Variants in CDK5R1 observed in about 807,000 individuals in gnomAD.
CDK5R1 encodes the protein cyclin-dependent kinase 5 activator 1.
Under a neutral mutation model 19.0 loss-of-function variants are expected in CDK5R1, and 1 was observed. That is an observed-to-expected ratio of 0.05 (90% CI 0.02 to 0.25). The LOEUF is 0.25. Among genes scored for constraint, CDK5R1 ranks in the 10% least tolerant of loss-of-function variants. The pLI is 1.00. For missense variants in CDK5R1, 314 were observed against 401.0 expected, an observed-to-expected ratio of 0.78 and a Z score of 1.85; for synonymous variants, 225 against 187.7, an observed-to-expected ratio of 1.20 and a Z score of -1.62.
chr17:32,487,886 C>G lies in CDK5R1; in HGVS notation c.266C>G (p.Ser89Trp). 1 of 1,613,814 alleles carries G rather than the reference C, an allele frequency of 6.2e-7. No homozygotes were observed. The highest frequency in any genetic ancestry group is 8.5e-7 in the Non-Finnish European group (1 of 1,180,016). ...CTCAACAATGAGAACCTGAAGAAGT[C>G]GCTGTCGTGCGCCAACCTGTCCACA... ...THLNNENLKK[S>W]LSCANLSTFA... The change falls in exon 2 of 2, where the codon TCG (serine) becomes TGG (tryptophan). Residue 89 changes from serine to tryptophan, a missense_variant. Transcript: ENST00000313401. This position sits in a 1 kb window ranked among gnomAD's most constrained non-coding sequence, Gnocchi z 7.9.
At position 32,488,190 on chromosome 17, in the gene CDK5R1, G is replaced by T; in HGVS notation, c.570G>T (p.Trp190Cys). 6.2e-7 allele frequency: 1 copy of T among 1,613,862 alleles called. No individual in the cohort carries two copies. Among genetic ancestry groups the T allele is most frequent in the Non-Finnish European group, 8.5e-7 (1 of 1,180,038 alleles). Residue 190 changes from tryptophan to cysteine, a missense_variant, in exon 2 of 2, where the codon TGG (tryptophan) becomes TGT (cysteine). Physicochemically the swap from Trp to Cys is radical, Grantham distance 215. This residue lies in a region of CDK5R1 where 11 missense variants were observed against 38.8 expected (regional missense o/e 0.28). Coordinates refer to ENST00000313401, the MANE Select transcript of CDK5R1 (RefSeq NM_003885.3). The part of the protein sequence containing the change: ...SVDRSLLLQG[W>C]QDQGFITPAN... ...ACCGCTCGCTGCTTCTGCAGGGCTG[G>T]CAGGACCAGGGCTTCATCACGCCGG... is the stretch of plus-strand genomic sequence containing the variant.
chr17:32,490,463 A>G lies in CDK5R1; in HGVS notation c.*1919A>G, dbSNP rs1268840700. ...TGTTTCCTTCTCTTTCTCCGTATTTATTTTTTTATTCTTCGGAGGAGGTGG... is the reference window on the plus strand; with the variant it reads ...TGTTTCCTTCTCTTTCTCCGTATTTGTTTTTTTATTCTTCGGAGGAGGTGG... On this transcript the variant is annotated 3_prime_UTR_variant, in exon 2 of 2. Coordinates refer to ENST00000313401, the MANE Select transcript of CDK5R1 (RefSeq NM_003885.3). The G allele has an allele frequency of 6.0e-6, 1 of 166,992 alleles. No individual in the cohort carries two copies. Among genetic ancestry groups the G allele is most frequent in the African/African-American group, 2.4e-5 (1 of 41,392 alleles). 10.3% of individuals were successfully genotyped at this position (166,992 alleles called of 1,614,324 possible).
Position 32,488,975 on chromosome 17 carries a change from C to T in CDK5R1, c.*431C>T, listed in dbSNP as rs909428668. 1.1e-5 allele frequency: 4 copies of T among 371,618 alleles called. No homozygotes were observed. In the Admixed American group the frequency reaches 1.5e-4, roughly 14 times the overall value. 23.0% of individuals were successfully genotyped at this position (371,618 alleles called of 1,614,324 possible). On this transcript the variant is annotated 3_prime_UTR_variant, in exon 2 of 2. Transcript: ENST00000313401. ...GGAGTTATTCACTCTCCCAGAGGCT[C>T]CTGGAGCCAGCCACCCTAACTGAGC...
In CDK5R1 at chr17:32,487,741, C is replaced by G; in HGVS notation, c.121C>G (p.Leu41Val). The G allele has an allele frequency of 6.2e-7, 1 of 1,614,128 alleles. No individual in the cohort carries two copies. The highest frequency in any genetic ancestry group is 1.1e-5 in the South Asian group (1 of 91,090). Residue 41 changes from leucine to valine, a missense_variant, in exon 2 of 2, where the codon CTG becomes GTG. Around this residue, in one of 3 missense-constraint regions of CDK5R1, gnomAD observed 197 missense variants for 230.2 expected, o/e 0.86. Transcript: ENST00000313401. The surrounding 1 kb of genome is among the most constrained non-coding windows in gnomAD (Gnocchi z 7.9). Reference protein sequence around the residue: ...QNSKNAKDKNLKRHSIISVLP... With the variant: ...QNSKNAKDKNVKRHSIISVLP... ...CAGCAAGAACGCCAAGGACAAGAAC[C>G]TGAAGCGCCACTCCATCATCTCCGT... is the stretch of plus-strand genomic sequence containing the variant.
At position 32,487,646 on chromosome 17, in the gene CDK5R1, C is replaced by T. The variant is rs1361413169; in HGVS notation, c.26C>T (p.Pro9Leu). 10 of 1,613,440 alleles carry T rather than the reference C, an allele frequency of 6.2e-6. No homozygotes were observed. Among genetic ancestry groups the T allele is most frequent in the Non-Finnish European group, 8.5e-6 (10 of 1,179,940 alleles). ...ATGGGCACGGTGCTGTCCCTGTCTC[C>T]CAGCTACCGGAAGGCCACGCTGTTT... is the stretch of plus-strand genomic sequence containing the variant. MGTVLSLS[P>L]SYRKATLFED... The change falls in exon 2 of 2, where the codon CCC becomes CTC. Residue 9 changes from proline (P) to leucine (L), a missense_variant. Pro to Leu is a moderately conservative substitution (Grantham distance 98). This residue lies in a region of CDK5R1 where 197 missense variants were observed against 230.2 expected (regional missense o/e 0.86). Transcript: ENST00000313401. The surrounding 1 kb of genome is among the most constrained non-coding windows in gnomAD (Gnocchi z 7.9).
rs1318941289 is a variant in CDK5R1, at chr17:32,487,531, C to A, written c.-90C>A. The A allele has an allele frequency of 2.9e-6, 3 of 1,045,416 alleles. No individual in the cohort carries two copies. Among genetic ancestry groups the A allele is most frequent in the South Asian group, 1.6e-5 (1 of 62,952 alleles). The allele number at this position is 1,045,416 out of a possible 1,614,324, so 64.8% of individuals were successfully genotyped here. A position where few individuals can be genotyped will look rare whatever the true frequency, so the allele number is the denominator to read the frequency against. ...GAGCGCCCCCGCCTCCTCTCCGGGG[C>A]CGCCGCAGGCTCGGTGAGCGGTTTT... On this transcript the variant is annotated 5_prime_UTR_variant, in exon 2 of 2. Transcript: ENST00000313401. This position sits in a 1 kb window ranked among gnomAD's most constrained non-coding sequence, Gnocchi z 7.9.
Position 32,490,669 on chromosome 17 carries a change from A to G in CDK5R1, c.*2125A>G, listed in dbSNP as rs1244124281. On this transcript the variant is annotated 3_prime_UTR_variant, in exon 2 of 2. Coordinates refer to ENST00000313401, the MANE Select transcript of CDK5R1 (RefSeq NM_003885.3). ...CTATGAAGACTACTTTTAGATCAAC[A>G]ATAAAAAAAAACCTACAAAAAAACC... 1.2e-5 allele frequency: 2 copies of G among 167,078 alleles called. No homozygotes were observed. Among genetic ancestry groups the G allele is most frequent in the East Asian group, 3.8e-4 (2 of 5,204 alleles). 10.3% of individuals were successfully genotyped at this position (167,078 alleles called of 1,614,324 possible).
chr17:32,491,128 G>GT lies in CDK5R1; in HGVS notation c.*2585dup, dbSNP rs1908856424. 2 of 167,214 alleles carry GT rather than the reference G, an allele frequency of 1.2e-5. No homozygotes were observed. Among genetic ancestry groups the GT allele is most frequent in the South Asian group, 4.2e-4 (2 of 4,818 alleles). 10.4% of individuals were successfully genotyped at this position (167,214 alleles called of 1,614,324 possible). A position where few individuals can be genotyped will look rare whatever the true frequency, so the allele number is the denominator to read the frequency against. ...TTTTGTATGTATGTGTAGTGTGTTT[G>GT]TGAGTATGTGTGGTTTATAATCTGA... On this transcript the variant is annotated 3_prime_UTR_variant, in exon 2 of 2. Transcript: ENST00000313401.
In CDK5R1 at chr17:32,489,013, C is replaced by G. The variant is rs1908777407; in HGVS notation, c.*469C>G. On this transcript the variant is annotated 3_prime_UTR_variant, in exon 2 of 2. Coordinates refer to ENST00000313401, the MANE Select transcript of CDK5R1 (RefSeq NM_003885.3). ...ACCCTAACTGAGCTGCCAGTGGGGT[C>G]GTGAGGCAAGATCCCCGCCACCCGG... 7.9e-6 allele frequency: 3 copies of G among 380,376 alleles called. No individual in the cohort carries two copies. The highest frequency in any genetic ancestry group is 1.6e-5 in the Non-Finnish European group (3 of 184,564). The allele number at this position is 380,376 out of a possible 1,614,324, so 23.6% of individuals were successfully genotyped here.
Position 32,489,298 on chromosome 17 carries a change from G to T in CDK5R1, c.*754G>T, listed in dbSNP as rs1328960050. 1.3e-5 allele frequency: 6 copies of T among 470,884 alleles called. No individual in the cohort carries two copies. The highest frequency in any genetic ancestry group is 2.6e-5 in the Non-Finnish European group (6 of 227,028). The allele number at this position is 470,884 out of a possible 1,614,324, so 29.2% of individuals were successfully genotyped here. A position where few individuals can be genotyped will look rare whatever the true frequency, so the allele number is the denominator to read the frequency against. On this transcript the variant is annotated 3_prime_UTR_variant, in exon 2 of 2. Transcript: ENST00000313401. Reference sequence around the variant, plus strand: ...CAGCTAAAGAGGTGGGGTGAAGCTGGGGACAGCTTTCCTGGGTGAGTTTTT... The same window carrying T: ...CAGCTAAAGAGGTGGGGTGAAGCTGTGGACAGCTTTCCTGGGTGAGTTTTT...
rs1597850937 is a variant in CDK5R1, at chr17:32,488,590, G to T, written c.*46G>T. The T allele has an allele frequency of 6.2e-7, 1 of 1,612,622 alleles. No individual in the cohort carries two copies. Among genetic ancestry groups the T allele is most frequent in the African/African-American group, 1.3e-5 (1 of 75,012 alleles). On this transcript the variant is annotated 3_prime_UTR_variant, in exon 2 of 2. Coordinates refer to ENST00000313401, the MANE Select transcript of CDK5R1 (RefSeq NM_003885.3). Reference sequence around the variant, plus strand: ...GCTCAAGGATTCAATGCATTTTTAAGAATTTATTATTAAATCAGTTTTGTG... The same window carrying T: ...GCTCAAGGATTCAATGCATTTTTAATAATTTATTATTAAATCAGTTTTGTG...
rs1414605139 is a variant in CDK5R1, at chr17:32,487,635, G to T, written c.15G>T (p.Leu5=). The T allele has an allele frequency of 6.2e-7, 1 of 1,613,052 alleles. No individual in the cohort carries two copies. The highest frequency in any genetic ancestry group is 1.1e-5 in the South Asian group (1 of 91,068). ...GCAGCAGCACCATGGGCACGGTGCTGTCCCTGTCTCCCAGCTACCGGAAGG... is the reference window on the plus strand; with the variant it reads ...GCAGCAGCACCATGGGCACGGTGCTTTCCCTGTCTCCCAGCTACCGGAAGG... MGTV[L]SLSPSYRKAT... The change falls in exon 2 of 2, where the codon CTG becomes CTT. Residue 5 remains leucine (L), a synonymous_variant. Transcript: ENST00000313401. This position sits in a 1 kb window ranked among gnomAD's most constrained non-coding sequence, Gnocchi z 7.9.
In CDK5R1 at chr17:32,489,519, G is replaced by A. The variant is rs9333305; in HGVS notation, c.*975G>A. On this transcript the variant is annotated 3_prime_UTR_variant, in exon 2 of 2. Transcript: ENST00000313401. The stretch of plus-strand genomic sequence containing the variant: ...AGAGCTGGGGGGAAGGCGATGTGGT[G>A]ACCCCACCCCCACCCGTTAATTTAA... 6.0e-5 allele frequency: 16 copies of A among 264,760 alleles called. 1 individual carries two copies. The East Asian group carries it at 1.1e-3, about 19-fold the overall frequency. 16.4% of individuals were successfully genotyped at this position (264,760 alleles called of 1,614,324 possible).
rs1908763408 is a variant in CDK5R1 at position 32,488,619 on chromosome 17, A to G, written c.*75A>G. On this transcript the variant is annotated 3_prime_UTR_variant, in exon 2 of 2. Transcript: ENST00000313401. ...TTATTATTAAATCAGTTTTGTGTAC[A>G]GTATGTGTCTAGCAAAGCCACCAAG... 6.3e-7 allele frequency: 1 copy of G among 1,591,408 alleles called. No individual in the cohort carries two copies. The highest frequency in any genetic ancestry group is 1.8e-5 in the Admixed American group (1 of 56,798).
chr17:32,488,327 A>T lies in CDK5R1; in HGVS notation c.707A>T (p.Tyr236Phe). The change falls in exon 2 of 2, where the codon TAC (tyrosine) becomes TTC (phenylalanine). Residue 236 changes from tyrosine (Y) to phenylalanine (F), a missense_variant. Physicochemically the swap from Tyr to Phe is conservative, Grantham distance 22. Around this residue, in one of 3 missense-constraint regions of CDK5R1, gnomAD observed 106 missense variants for 132.1 expected, o/e 0.80. Transcript: ENST00000313401. ...LLTCLYLSYSYMGNEISYPLK... is the reference protein window; with the variant it reads ...LLTCLYLSYSFMGNEISYPLK... ...ACATGCCTGTACCTCTCCTACTCCT[A>T]CATGGGCAACGAGATCTCCTACCCG... 1 of 1,614,036 alleles carries T rather than the reference A, an allele frequency of 6.2e-7. No homozygotes were observed. The highest frequency in any genetic ancestry group is 8.5e-7 in the Non-Finnish European group (1 of 1,179,998).
rs924016632 is a variant in CDK5R1, at chr17:32,489,317, A to G, written c.*773A>G. 1 of 470,678 alleles carries G rather than the reference A, an allele frequency of 2.1e-6. No homozygotes were observed. Among genetic ancestry groups the G allele is most frequent in the Non-Finnish European group, 4.4e-6 (1 of 226,858 alleles). The allele number at this position is 470,678 out of a possible 1,614,324, so 29.2% of individuals were successfully genotyped here. ...AAGCTGGGGACAGCTTTCCTGGGTG[A>G]GTTTTTCTTTTGAATAATGTAGTGC... On this transcript the variant is annotated 3_prime_UTR_variant, in exon 2 of 2. Coordinates refer to ENST00000313401, the MANE Select transcript of CDK5R1 (RefSeq NM_003885.3).
In CDK5R1 at chr17:32,487,805, A is replaced by G; in HGVS notation, c.185A>G (p.Lys62Arg). The G allele has an allele frequency of 1.2e-6, 2 of 1,614,096 alleles. No homozygotes were observed. Among genetic ancestry groups the G allele is most frequent in the Non-Finnish European group, 8.5e-7 (1 of 1,179,998 alleles). Residue 62 changes from lysine to arginine, a missense_variant, in exon 2 of 2, where the codon AAG (lysine) becomes AGG (arginine). Lys to Arg is a conservative substitution (Grantham distance 26). Transcript: ENST00000313401. This position sits in a 1 kb window ranked among gnomAD's most constrained non-coding sequence, Gnocchi z 7.9. ...WKRIVAVSAK[K>R]KNSKKVQPNS... ...AGAATCGTGGCCGTGTCGGCCAAGA[A>G]GAAGAACTCCAAGAAGGTGCAGCCC... is the stretch of plus-strand genomic sequence containing the variant.
Position 32,487,828 on chromosome 17 carries a change from C to T in CDK5R1, c.208C>T (p.Pro70Ser). Residue 70 changes from proline to serine, a missense_variant, in exon 2 of 2, where the codon CCC becomes TCC. Around this residue, in one of 3 missense-constraint regions of CDK5R1, gnomAD observed 197 missense variants for 230.2 expected, o/e 0.86. Coordinates refer to ENST00000313401, the MANE Select transcript of CDK5R1 (RefSeq NM_003885.3). This position sits in a 1 kb window ranked among gnomAD's most constrained non-coding sequence, Gnocchi z 7.9. ...GAAGAAGAACTCCAAGAAGGTGCAG[C>T]CCAACAGCAGCTACCAGAACAACAT... Reference protein sequence around the residue: ...AKKKNSKKVQPNSSYQNNITH... With the variant: ...AKKKNSKKVQSNSSYQNNITH... 2 of 1,614,130 alleles carry T rather than the reference C, an allele frequency of 1.2e-6. No homozygotes were observed. The highest frequency in any genetic ancestry group is 8.5e-7 in the Non-Finnish European group (1 of 1,180,018).
Position 32,489,453 on chromosome 17 carries a change from G to C in CDK5R1, c.*909G>C, listed in dbSNP as rs568323776. 2.7e-6 allele frequency: 1 copy of C among 375,954 alleles called. No individual in the cohort carries two copies. Among genetic ancestry groups the C allele is most frequent in the East Asian group, 7.4e-5 (1 of 13,532 alleles). The allele number at this position is 375,954 out of a possible 1,614,324, so 23.3% of individuals were successfully genotyped here. On this transcript the variant is annotated 3_prime_UTR_variant, in exon 2 of 2. Transcript: ENST00000313401. ...TGAGACCAAGCCGGTGCCCACCTAAGGGCTAAGGCCTCTTGCTGGTGCACA... is the reference window on the plus strand; with the variant it reads ...TGAGACCAAGCCGGTGCCCACCTAACGGCTAAGGCCTCTTGCTGGTGCACA...
Sources: gnomAD v4.1 joint callset for allele counts on GRCh38, gnomAD v4.1.1 for gene constraint, gnomAD v4.1.1 regional missense constraint, Gnocchi (gnomAD v3.1) non-coding constraint, MANE v1.5 for transcripts, NCBI Gene and HGNC (gene_info 2026-07-23, HGNC 2026-07-21) for gene names.